Variants in BCKDHB observed in about 807,000 individuals in gnomAD.
BCKDHB encodes the protein 2-oxoisovalerate dehydrogenase subunit beta, mitochondrial.
In BCKDHB, 41 loss-of-function variants were observed where a neutral mutation model predicts 48.5. That is an observed-to-expected ratio of 0.85 (90% CI 0.66 to 1.10). The LOEUF (loss-of-function observed/expected upper bound fraction) is 1.10. Among genes scored for constraint, BCKDHB ranks in the 50% least tolerant of loss-of-function variants. The probability of loss-of-function intolerance (pLI) is 0.00; values close to 1 mark genes in which losing one functional copy is unlikely to be tolerated. For missense variants in BCKDHB, 496 were observed against 494.2 expected, an observed-to-expected ratio of 1.00 and a Z score of -0.03; for synonymous variants, 201 against 174.8, an observed-to-expected ratio of 1.15 and a Z score of -1.18.
chr6:80,217,716 A>G (rs1451975387), intron 8 of BCKDHB, among the ~76,000 whole-genome samples: 1 of 152,236 alleles, frequency 6.6e-6, no homozygotes, highest in Non-Finnish European at 1.5e-5. Context: ...TACATTGCAC[A>G]GATATTTCTG....
At chr6:80,311,541 T>C (rs888087722) in intron 9 of BCKDHB, among the ~76,000 whole-genome samples, 2 of 152,216 alleles carry the variant, frequency 1.3e-5, no homozygotes, top group African/African-American at 4.8e-5. Context: ...GGTTTTCTTC[T>C]AGGGTTTTTA....
intron 8 of BCKDHB, among the ~76,000 whole-genome samples, chr6:80,204,343 G>A (rs1774536771): frequency 6.6e-6 from 1 of 152,110 alleles, no homozygotes; most frequent in South Asian, 2.1e-4. Context: ...ATGATCCCGA[G>A]CCATTCTATT....
intron 6 of BCKDHB, among the ~76,000 whole-genome samples, chr6:80,197,966 CCAT>C: frequency 6.6e-6 from 1 of 151,810 alleles, no homozygotes; most frequent in South Asian, 2.1e-4. Flanking sequence ...ATCCATCCAT[CCAT>C]CCATCCATCC....
intron 9 of BCKDHB, among the ~76,000 whole-genome samples, chr6:80,330,597 G>T (rs1769276037): frequency 6.6e-6 from 1 of 152,088 alleles, no homozygotes; most frequent in African/African-American, 2.4e-5. Context: ...AACCAGTGAA[G>T]ACAAAGCTGG....
intron 8 of BCKDHB, 58 bp from the exon 9 acceptor site, chr6:80,273,077 C>T: frequency 7.8e-7 from 1 of 1,274,060 alleles, no homozygotes; most frequent in South Asian, 1.2e-5. Context: ...TTAAAACTAC[C>T]ATCATATATA....
rs72908842 is a variant in BCKDHB at position 80,146,535 on chromosome 6, G to A, written c.343+17306G>A. Among the ~76,000 whole-genome samples the A allele has an allele frequency of 2.7e-3, 404 of 152,254 alleles. 1 individual carries two copies. The highest frequency in any genetic ancestry group is 4.7e-3 in the Non-Finnish European group (321 of 68,004). On this transcript the variant is annotated intron_variant, in intron 3 of 9. Coordinates refer to ENST00000320393, the MANE Select transcript of BCKDHB (RefSeq NM_183050.4). Reference sequence around the variant, plus strand: ...TTTTGTCAAGGCCTAAATCCGCAGGGATGGGGAGAATGGGACTGGAGACAA... The same window carrying A: ...TTTTGTCAAGGCCTAAATCCGCAGGAATGGGGAGAATGGGACTGGAGACAA...
intron 9 of BCKDHB, among the ~76,000 whole-genome samples, chr6:80,326,161 C>T (rs1438532848): frequency 1.3e-5 from 2 of 150,562 alleles, no homozygotes; most frequent in Non-Finnish European, 3.0e-5. Flanking sequence ...GTACTGTTTT[C>T]ATAGTTTTTA....
At chr6:80,384,557 C>T in the BCKDHB span, among the ~76,000 whole-genome samples, 1 of 152,006 alleles carries the variant, frequency 6.6e-6, no homozygotes, top group South Asian at 2.1e-4. Flanking sequence ...TGGAGTTTCA[C>T]CATGTTGGCC....
At chr6:80,396,789 C>T in the BCKDHB span, among the ~76,000 whole-genome samples, 4 of 152,122 alleles carry the variant, frequency 2.6e-5, no homozygotes. Context: ...GTTTACTTCC[C>T]CTTTTGTCAT....
chr6:80,354,842 A>C, the BCKDHB span, among the ~76,000 whole-genome samples: 1 of 152,116 alleles, frequency 6.6e-6, no homozygotes, highest in Non-Finnish European at 1.5e-5. Context: ...TGTGTTATCT[A>C]TTCTGTTCCA....
the BCKDHB span, among the ~76,000 whole-genome samples, chr6:80,394,868 G>C: frequency 6.6e-6 from 1 of 152,256 alleles, no homozygotes; most frequent in African/African-American, 2.4e-5. Context: ...GAATTATGGC[G>C]TTGGTTACCC....
intron 8 of BCKDHB, among the ~76,000 whole-genome samples, chr6:80,269,407 C>T (rs2127959863): frequency 6.6e-6 from 1 of 152,186 alleles, no homozygotes; most frequent in East Asian, 1.9e-4. Context: ...GCTTTTTTGA[C>T]AAATCTTTTA....
the BCKDHB span, among the ~76,000 whole-genome samples, chr6:80,407,604 C>T: frequency 6.6e-6 from 1 of 152,106 alleles, no homozygotes; most frequent in African/African-American, 2.4e-5. Flanking sequence ...GTATTTTATT[C>T]CCTTTGTAGC....
chr6:80,174,220 T>G (rs535572193), intron 6 of BCKDHB, among the ~76,000 whole-genome samples: 6 of 152,318 alleles, frequency 3.9e-5, no homozygotes, highest in Admixed American at 6.5e-5. Context: ...AGAGTTCATA[T>G]TGGGACTCAT....
In BCKDHB at chr6:80,248,926, G is replaced by GTA. The variant is rs1215194371; in HGVS notation, c.952-24208_952-24207insAT. On this transcript the variant is annotated intron_variant, in intron 8 of 9. Coordinates refer to ENST00000320393, the MANE Select transcript of BCKDHB (RefSeq NM_183050.4). ...TATGTGTGTGTGTGTGTGTGTGTGT[G>GTA]TGTATGTGTATTGTGTGTGTGCATC... Among the ~76,000 whole-genome samples, 34 of 150,580 alleles carry GTA rather than the reference G, an allele frequency of 2.3e-4. 1 individual carries two copies. The highest frequency in any genetic ancestry group is 1.0e-4 in the Non-Finnish European group (7 of 67,772).
chr6:80,130,638 C>A (rs551742126), intron 3 of BCKDHB, among the ~76,000 whole-genome samples: 8 of 152,230 alleles, frequency 5.3e-5, no homozygotes, highest in Non-Finnish European at 1.0e-4. Context: ...AGTTAAAAAT[C>A]TTTACACATT....
At chr6:80,436,271 G>A in the BCKDHB span, among the ~76,000 whole-genome samples, 12 of 137,460 alleles carry the variant, frequency 8.7e-5, no homozygotes, top group African/African-American at 2.6e-5. Flanking sequence ...CCATTCTCCC[G>A]TCTCAGCCTC....
the BCKDHB span, chr6:80,374,686 C>T: frequency 2.7e-6 from 1 of 371,460 alleles, no homozygotes. Flanking sequence ...ATTCTATTCA[C>T]CATGCTATTT....
the BCKDHB span, among the ~76,000 whole-genome samples, chr6:80,358,602 C>T: frequency 6.6e-6 from 1 of 152,136 alleles, no homozygotes; most frequent in Non-Finnish European, 1.5e-5. Flanking sequence ...AACATTACGC[C>T]AAGTGAGAGA....
Sources: allele counts gnomAD v4.1 joint callset (sites outside exome capture counted in the v4.1 genomes callset), GRCh38; gene constraint gnomAD v4.1.1; transcripts MANE v1.5; gene names NCBI Gene and HGNC (gene_info 2026-07-23, HGNC 2026-07-21).